The following ZFP62 variants were observed in gnomAD, a reference collection of about 807,000 sequenced individuals.
The protein encoded by ZFP62 is ZFP62 zinc finger protein.
Under a neutral mutation model 56.4 loss-of-function variants are expected in ZFP62, and 44 were observed. The ratio of observed to expected loss-of-function variants is 0.78; its 90% CI spans 0.61 to 1.00. ZFP62 has a LOEUF of 1.00. Among genes scored for constraint, ZFP62 ranks in the 50% least tolerant of loss-of-function variants. ZFP62 has a pLI of 0.00. For synonymous variants in ZFP62, 421 were observed against 388.9 expected, an observed-to-expected ratio of 1.08 and a Z score of -0.97; for missense variants, 1,030 against 1,085.7, an observed-to-expected ratio of 0.95 and a Z score of 0.72.
At chr5:180,845,285 T>C (rs1773389285), downstream of ZFP62, among the ~76,000 whole-genome samples, 1 of 122,314 alleles carries the variant, frequency 8.2e-6, no homozygotes. Context: ...AGTGAGCTAA[T>C]GCCCCTGCAC....
chr5:180,833,296 C>T, the ZFP62 span, among the ~76,000 whole-genome samples: 3 of 151,814 alleles, frequency 2.0e-5, no homozygotes, highest in Non-Finnish European at 4.4e-5. Flanking sequence ...CTGGCTAACA[C>T]GGTGAAACCC....
chr5:180,837,314 T>G, the ZFP62 span, among the ~76,000 whole-genome samples: 1 of 152,352 alleles, frequency 6.6e-6, no homozygotes, highest in African/African-American at 2.4e-5. Flanking sequence ...TGTGACATCA[T>G]CACTAGCACT....
chr5:180,860,932 C>G (rs1172148242), intron 1 of ZFP62, among the ~76,000 whole-genome samples: 1 of 152,182 alleles, frequency 6.6e-6, no homozygotes, highest in East Asian at 1.9e-4. Flanking sequence ...CTTCTCGGAA[C>G]GTTGAGCAGA....
At chr5:180,837,254 G>C in the ZFP62 span, among the ~76,000 whole-genome samples, 1 of 152,352 alleles carries the variant, frequency 6.6e-6, no homozygotes, top group South Asian at 2.1e-4. Context: ...GACTCTACCT[G>C]CGTCCTCCCC....
chr5:180,851,533 TAAA>T (rs112485824), intron 1 of ZFP62, 40 bp from the exon 2 acceptor site: 13 of 1,460,472 alleles, frequency 8.9e-6, no homozygotes, highest in Non-Finnish European at 1.2e-5. Context: ...TTCACTCTCT[TAAA>T]AAAAAACAAA....
Position 180,847,988 on chromosome 5 carries a change from C to A in ZFP62, c.*804G>T. Reference sequence around the variant, plus strand: ...ACTGAATGTGTCAAAATCCTCTCCACGGTAGAACCTTTTATTGTAGCATAA... The same window carrying A: ...ACTGAATGTGTCAAAATCCTCTCCAAGGTAGAACCTTTTATTGTAGCATAA... On this transcript the variant is annotated 3_prime_UTR_variant, in exon 2 of 2. Coordinates refer to ENST00000502412, the MANE Select transcript of ZFP62 (RefSeq NM_001172638.2). The A allele has an allele frequency of 1.0e-6, 1 of 985,422 alleles. No homozygotes were observed. The highest frequency in any genetic ancestry group is 1.2e-6 in the Non-Finnish European group (1 of 829,932). The allele number at this position is 985,422 out of a possible 1,614,324, so 61.0% of individuals were successfully genotyped here.
the ZFP62 span, chr5:180,831,609 G>GGGCGGGGACGCCGGGA: frequency 6.6e-6 from 1 of 152,572 alleles, no homozygotes; most frequent in African/African-American, 2.4e-5. Flanking sequence ...GCCCAGCAGG[G>GGGCGGGGACGCCGGGA]GGCGGGGACG....
chr5:180,857,776 C>T (rs1448115108), intron 1 of ZFP62, among the ~76,000 whole-genome samples: 4 of 146,422 alleles, frequency 2.7e-5, no homozygotes, highest in Admixed American at 6.9e-5. Context: ...GGATTACAGG[C>T]GTGAACCACC....
At chr5:180,852,131 T>C (rs1773743132) in intron 1 of ZFP62, 3 of 570,234 alleles carry the variant, frequency 5.3e-6, no homozygotes, top group Non-Finnish European at 6.7e-6. Context: ...GACAGGCAAA[T>C]GGAATAGAAC....
chr5:180,854,255 G>A (rs977625185), intron 1 of ZFP62, among the ~76,000 whole-genome samples: 1 of 152,128 alleles, frequency 6.6e-6, no homozygotes, highest in African/African-American at 2.4e-5. Flanking sequence ...GTAGGGACAC[G>A]CTGCAAGACC....
At chr5:180,859,380 AG>A (rs1334013165) in intron 1 of ZFP62, among the ~76,000 whole-genome samples, 2 of 152,256 alleles carry the variant, frequency 1.3e-5, no homozygotes, top group Non-Finnish European at 2.9e-5. Context: ...TACAAAGGAA[AG>A]ATGGGACTAA....
At chr5:180,846,597 G>A (rs1219726621), downstream of ZFP62, among the ~76,000 whole-genome samples, 1 of 117,300 alleles carries the variant, frequency 8.5e-6, no homozygotes, top group African/African-American at 3.3e-5. Context: ...CTTTACTCAG[G>A]TCATCCTAGT....
At chr5:180,851,574 T>C (rs1483058681) in intron 1 of ZFP62, 81 bp from the exon 2 acceptor site, 1 of 1,396,828 alleles carries the variant, frequency 7.2e-7, no homozygotes, top group Non-Finnish European at 9.5e-7. Flanking sequence ...ATGAACAACA[T>C]TCACTTGACA....
chr5:180,833,058 G>C, the ZFP62 span, among the ~76,000 whole-genome samples: 1 of 152,188 alleles, frequency 6.6e-6, no homozygotes, highest in African/African-American at 2.4e-5. Flanking sequence ...GTTCTGGTCA[G>C]CAGTCTCCTG....
the ZFP62 span, among the ~76,000 whole-genome samples, chr5:180,839,105 T>C: frequency 2.6e-5 from 4 of 152,232 alleles, no homozygotes; most frequent in African/African-American, 9.6e-5. Context: ...TATGTGGACT[T>C]TTACAGAAAG....
At position 180,849,752 on chromosome 5, in the gene ZFP62, A is replaced by C. The variant is rs1773585248; in HGVS notation, c.1743T>G (p.Ser581Arg). 2 of 1,551,432 alleles carry C rather than the reference A, an allele frequency of 1.3e-6. No homozygotes were observed. Among genetic ancestry groups the C allele is most frequent in the African/African-American group, 1.4e-5 (1 of 73,012 alleles). Reference sequence around the variant, plus strand: ...TAAAGGGCTTCTCCCCAGGGTGTACACTTTTATGATTTATAAGGCTCGAGA... The same window carrying C: ...TAAAGGGCTTCTCCCCAGGGTGTACCCTTTTATGATTTATAAGGCTCGAGA... ...ISLSSLINHK[S>R]VHPGEKPFKC... is the part of the protein sequence containing the mutation. The change falls in exon 2 of 2, where the codon AGT becomes AGG. Residue 581 changes from serine (S) to arginine (R), a missense_variant. Physicochemically the swap from Ser to Arg is moderately radical, Grantham distance 110. Transcript: ENST00000502412.
At chr5:180,860,240 A>G (rs932476960) in intron 1 of ZFP62, among the ~76,000 whole-genome samples, 1 of 152,218 alleles carries the variant, frequency 6.6e-6, no homozygotes, top group Non-Finnish European at 1.5e-5. Context: ...GTTACCTAAG[A>G]GGGTAGGGCC....
At chr5:180,838,981 T>A in the ZFP62 span, among the ~76,000 whole-genome samples, 1 of 152,214 alleles carries the variant, frequency 6.6e-6, no homozygotes, top group Non-Finnish European at 1.5e-5. Context: ...ACACTGTTGA[T>A]ACTAACAAAA....
chr5:180,856,827 G>A (rs946411095), intron 1 of ZFP62, among the ~76,000 whole-genome samples: 5 of 151,782 alleles, frequency 3.3e-5, no homozygotes, highest in African/African-American at 7.3e-5. Flanking sequence ...GGTGGTGGGC[G>A]CCTGTAGCTC....
Sources: allele counts gnomAD v4.1 joint callset (sites outside exome capture counted in the v4.1 genomes callset), GRCh38; gene constraint gnomAD v4.1.1; transcripts MANE v1.5; gene names NCBI Gene and HGNC (gene_info 2026-07-23, HGNC 2026-07-21).